Variants in ZBTB34 observed in about 807,000 individuals in gnomAD.
ZBTB34 encodes zinc finger and BTB domain-containing protein 34.
In ZBTB34, 1 loss-of-function variant was observed where a neutral mutation model predicts 33.4. The ratio of observed to expected loss-of-function variants is 0.03; its 90% CI spans 0.01 to 0.14. ZBTB34 has a LOEUF of 0.14. Ranked by LOEUF, ZBTB34 falls within the 10% of genes least tolerant of loss-of-function variation. ZBTB34 has a pLI of 1.00. For synonymous variants in ZBTB34, 283 were observed against 253.5 expected (o/e 1.12, Z -1.11); for missense variants, 406 against 657.2 (o/e 0.62, Z 4.18).
intron 1 of ZBTB34, among the ~76,000 whole-genome samples, chr9:126,862,498 G>T (rs1272880597): frequency 6.6e-6 from 1 of 152,238 alleles, no homozygotes; most frequent in African/African-American, 2.4e-5. Context: ...CCACCTACCT[G>T]AACCTTATTC....
At position 126,880,082 on chromosome 9, in the gene ZBTB34, T is replaced by C. The variant is rs1457820858; in HGVS notation, c.683T>C (p.Leu228Pro). The C allele has an allele frequency of 6.2e-7, 1 of 1,613,614 alleles. No homozygotes were observed. The highest frequency in any genetic ancestry group is 2.2e-5 in the East Asian group (1 of 44,872). ...GAGGGAGACCATGAGCAAGGAGACC[T>C]ATTGGTGAGGGAGAGCCAGATCACC... Residue 228 changes from leucine to proline, a missense_variant, in exon 2 of 2, where the codon CTA (leucine) becomes CCA (proline). This residue lies in a region of ZBTB34 where 137 missense variants were observed against 173.0 expected (regional missense o/e 0.79). Transcript: ENST00000319119. The surrounding 1 kb of genome is among the most constrained non-coding windows in gnomAD (Gnocchi z 6.7).
intron 1 of ZBTB34, among the ~76,000 whole-genome samples, chr9:126,871,838 A>G (rs558437742): frequency 6.6e-6 from 1 of 152,250 alleles, no homozygotes; most frequent in Non-Finnish European, 1.5e-5. Flanking sequence ...AAAATTGGCC[A>G]GGTGCAGTGG....
At chr9:126,883,901 C>T (rs2033481184) in exon 2 of ZBTB34, 1 of 167,096 alleles carries the variant, frequency 6.0e-6, no homozygotes. Flanking sequence ...GAGGATGTGT[C>T]AGGAGGATTA....
At chr9:126,860,666 G>T (rs1170576062) in exon 1 of ZBTB34, 8 of 147,824 alleles carry the variant, frequency 5.4e-5, no homozygotes, top group South Asian at 1.8e-4. Context: ...CCGGAGCGGC[G>T]GGGACTGGCC....
chr9:126,867,661 G>A (rs2033225421), intron 1 of ZBTB34, among the ~76,000 whole-genome samples: 1 of 151,172 alleles, frequency 6.6e-6, no homozygotes, highest in East Asian at 1.9e-4. Flanking sequence ...GTTGTCGAAT[G>A]TATTTGTCTT....
chr9:126,878,508 A>G (rs2033392116), intron 1 of ZBTB34, among the ~76,000 whole-genome samples: 1 of 151,918 alleles, frequency 6.6e-6, no homozygotes, highest in African/African-American at 2.4e-5. Flanking sequence ...TCACTGAAGG[A>G]GACTGAGCAT....
chr9:126,880,401 G>A lies in ZBTB34; in HGVS notation c.1002G>A (p.Leu334=), dbSNP rs374108689. The change falls in exon 2 of 2, where the codon CTG becomes CTA. Residue 334 remains leucine, a synonymous_variant. Transcript: ENST00000319119. The surrounding 1 kb of genome is among the most constrained non-coding windows in gnomAD (Gnocchi z 6.7). ...AGAAGCGGGCTTTGTCTGTCCACCT[G>A]CACAGTGACCTGCAGGGCCTGGTGC... 1.8e-5 allele frequency: 29 copies of A among 1,613,560 alleles called. No homozygotes were observed. In the African/African-American group the frequency reaches 3.9e-4, roughly 21 times the overall value.
Position 126,880,071 on chromosome 9 carries a change from G to A in ZBTB34, c.672G>A (p.Glu224=). ...AGATTCAGATAGAGGGAGACCATGAGCAAGGAGACCTATTGGTGAGGGAGA... is the reference window on the plus strand; with the variant it reads ...AGATTCAGATAGAGGGAGACCATGAACAAGGAGACCTATTGGTGAGGGAGA... Residue 224 remains glutamate (E), a synonymous_variant, in exon 2 of 2, where the codon GAG becomes GAA. Transcript: ENST00000319119. The surrounding 1 kb of genome is among the most constrained non-coding windows in gnomAD (Gnocchi z 6.7). The A allele has an allele frequency of 6.2e-7, 1 of 1,613,760 alleles. No homozygotes were observed. Among genetic ancestry groups the A allele is most frequent in the African/African-American group, 1.3e-5 (1 of 75,042 alleles).
intron 1 of ZBTB34, among the ~76,000 whole-genome samples, chr9:126,870,871 G>T (rs1321183105): frequency 6.6e-6 from 1 of 151,964 alleles, no homozygotes; most frequent in African/African-American, 2.4e-5. Flanking sequence ...AGGTTGCCTT[G>T]AGTGGAGGTT....
Position 126,879,944 on chromosome 9 carries a change from G to A in ZBTB34, c.545G>A (p.Ser182Asn). Residue 182 changes from serine (S) to asparagine (N), a missense_variant, in exon 2 of 2, where the codon AGT (serine) becomes AAT (asparagine). Ser to Asn is a conservative substitution (Grantham distance 46). Around this residue, in one of 6 missense-constraint regions of ZBTB34, gnomAD observed 137 missense variants for 173.0 expected, o/e 0.79. Coordinates refer to ENST00000319119, the Ensembl canonical transcript of ZBTB34. This position sits in a 1 kb window ranked among gnomAD's most constrained non-coding sequence, Gnocchi z 6.4. ...CAGGGACGGCAGCCCACCGCAAGCA[G>A]TGACCTCCGGATGGAGACGACCCCC... is the stretch of plus-strand genomic sequence containing the variant. 6.2e-7 allele frequency: 1 copy of A among 1,613,240 alleles called. No individual in the cohort carries two copies. Among genetic ancestry groups the A allele is most frequent in the Non-Finnish European group, 8.5e-7 (1 of 1,179,898 alleles).
chr9:126,882,970 C>A (rs2119239631), exon 2 of ZBTB34: 1 of 167,090 alleles, frequency 6.0e-6, no homozygotes, highest in Admixed American at 6.5e-5. Context: ...TCCCGCTGCT[C>A]CCGAGGAGCG....
rs2033425750 is a variant in ZBTB34, at chr9:126,880,605, C to T, written c.1206C>T (p.Thr402=). Residue 402 remains threonine (T), a synonymous_variant, in exon 2 of 2, where the codon ACC becomes ACT. Transcript: ENST00000319119. The surrounding 1 kb of genome is among the most constrained non-coding windows in gnomAD (Gnocchi z 6.7). The stretch of plus-strand genomic sequence containing the variant: ...ACATGCGACTCCATATGGGAATCAC[C>T]CCCTTTGTGTGCAAGTTCTGTGGGA... 1.2e-6 allele frequency: 2 copies of T among 1,613,746 alleles called. No individual in the cohort carries two copies. Among genetic ancestry groups the T allele is most frequent in the Non-Finnish European group, 8.5e-7 (1 of 1,179,896 alleles).
At chr9:126,873,707 C>G (rs540582393) in intron 1 of ZBTB34, among the ~76,000 whole-genome samples, 3 of 152,010 alleles carry the variant, frequency 2.0e-5, no homozygotes, top group Non-Finnish European at 4.4e-5. Context: ...CGGGTTCAAG[C>G]GATTCTCCTG....
chr9:126,879,373 ACTCT>A lies in ZBTB34; in HGVS notation c.-10-9_-10-6del. The stretch of plus-strand genomic sequence containing the variant: ...GAGGAGTCATTGGTGAATGATGCAA[ACTCT>A]CTCTCTCCGCAGAGTACGCTTCATG... On this transcript the variant is annotated splice_polypyrimidine_tract_variant and intron_variant, in intron 1 of 1. Coordinates refer to ENST00000319119, the Ensembl canonical transcript of ZBTB34. This position sits in a 1 kb window ranked among gnomAD's most constrained non-coding sequence, Gnocchi z 6.4. The A allele has an allele frequency of 1.9e-6, 3 of 1,571,520 alleles. No individual in the cohort carries two copies. The highest frequency in any genetic ancestry group is 2.6e-6 in the Non-Finnish European group (3 of 1,156,638).
chr9:126,866,517 C>CT (rs1244288226), intron 1 of ZBTB34, among the ~76,000 whole-genome samples: 1 of 151,998 alleles, frequency 6.6e-6, no homozygotes, highest in Non-Finnish European at 1.5e-5. Flanking sequence ...CTGGAGTGTT[C>CT]TTTTTTTTCC....
At chr9:126,867,616 C>T (rs1050110695) in intron 1 of ZBTB34, among the ~76,000 whole-genome samples, 2 of 151,228 alleles carry the variant, frequency 1.3e-5, no homozygotes, top group African/African-American at 2.4e-5. Context: ...TGGCTTTTGG[C>T]GAAAAGGGGT....
At chr9:126,876,907 T>C (rs1020576176) in intron 1 of ZBTB34, among the ~76,000 whole-genome samples, 2 of 152,222 alleles carry the variant, frequency 1.3e-5, no homozygotes, top group African/African-American at 4.8e-5. Context: ...AAAAAAAAAT[T>C]CGGACATGAT....
chr9:126,878,307 T>C (rs916756685), intron 1 of ZBTB34, among the ~76,000 whole-genome samples: 1 of 151,916 alleles, frequency 6.6e-6, no homozygotes, highest in African/African-American at 2.4e-5. Flanking sequence ...CCGTCTCTTC[T>C]AAAAATACAA....
In ZBTB34 at chr9:126,879,759, C is replaced by T; in HGVS notation, c.360C>T (p.Asp120=). Residue 120 remains aspartate (D), a synonymous_variant, in exon 2 of 2, where the codon GAC becomes GAT. Coordinates refer to ENST00000319119, the Ensembl canonical transcript of ZBTB34. The surrounding 1 kb of genome is among the most constrained non-coding windows in gnomAD (Gnocchi z 6.4). ...TTCTTCAGATGCAGTGTGTCATTGA[C>T]AAGTGCACGCAGATCCTAGAGAGCA... 3 of 1,613,470 alleles carry T rather than the reference C, an allele frequency of 1.9e-6. No individual in the cohort carries two copies. Among genetic ancestry groups the T allele is most frequent in the Non-Finnish European group, 2.5e-6 (3 of 1,179,890 alleles).
Sources: allele counts gnomAD v4.1 joint callset (sites outside exome capture counted in the v4.1 genomes callset), GRCh38; gene constraint gnomAD v4.1.1; regional missense constraint gnomAD v4.1.1; non-coding constraint Gnocchi (gnomAD v3.1); transcripts MANE v1.5; gene names NCBI Gene and HGNC (gene_info 2026-07-23, HGNC 2026-07-21).